The following DLGAP2 variants were observed in gnomAD, a reference collection of about 807,000 sequenced individuals.
The protein encoded by DLGAP2 is disks large-associated protein 2.
In DLGAP2, 26 loss-of-function variants were observed where a neutral mutation model predicts 100.3. That is an observed-to-expected ratio of 0.26 (90% CI 0.19 to 0.36). DLGAP2 has a LOEUF of 0.36. DLGAP2 is among the 10% of genes least tolerant of loss of function. DLGAP2 has a pLI of 1.00. For missense variants in DLGAP2, 1,858 were observed against 1,453.2 expected (o/e 1.28, Z -4.53); for synonymous variants, 886 against 630.1 (o/e 1.41, Z -6.08).
rs559088082 is a variant in DLGAP2, at chr8:1,585,350, GGTA to G, written c.1442+19457_1442+19459del. ...ATTTTGGCCCGTGCCTGTAATCCCA[GGTA>G]CCCAGGTGGCCGAGCCAGGAGAATT... On this transcript the variant is annotated intron_variant, in intron 6 of 14. Coordinates refer to ENST00000637795, the MANE Select transcript of DLGAP2 (RefSeq NM_001346810.2). 7.4e-4 allele frequency among the ~76,000 whole-genome samples: 98 copies of G among 132,352 alleles called. No individual in the cohort carries two copies. The South Asian group carries it at 0.019, about 25-fold the overall frequency. The allele number at this position is 132,352 out of a possible 152,430, so 86.8% of individuals were successfully genotyped here. A position where few individuals can be genotyped will look rare whatever the true frequency, so the allele number is the denominator to read the frequency against.
intron 3 of DLGAP2, among the ~76,000 whole-genome samples, chr8:1,426,377 G>C (rs959989439): frequency 3.3e-5 from 5 of 152,166 alleles, no homozygotes; most frequent in Non-Finnish European, 7.3e-5. Flanking sequence ...ACGAGAACAT[G>C]GCCAAGGAAT....
At position 1,624,128 on chromosome 8, in the gene DLGAP2, C is replaced by G. The variant is rs151214375; in HGVS notation, c.1443-2612C>G. Among the ~76,000 whole-genome samples, 136 of 152,296 alleles carry G rather than the reference C, an allele frequency of 8.9e-4. 2 individuals carry two copies. The South Asian group carries it at 0.011, about 13-fold the overall frequency. ...GACGAGAATCCTTCTTTTATGTTTT[C>G]TCAGTCTAGAAGGCAGCTTCAATTT... is the stretch of plus-strand genomic sequence containing the variant. On this transcript the variant is annotated intron_variant, in intron 6 of 14. Transcript: ENST00000637795.
chr8:829,582 T>C (rs1350608856), intron 1 of DLGAP2, among the ~76,000 whole-genome samples: 1 of 152,244 alleles, frequency 6.6e-6, no homozygotes, highest in Admixed American at 6.5e-5. Context: ...GCTTTGCTTC[T>C]AGAAATCGTG....
At chr8:748,288 C>G (rs189099521) in intron 1 of DLGAP2, among the ~76,000 whole-genome samples, 1,750 of 145,662 alleles carry the variant, frequency 0.012, 38 homozygotes, top group African/African-American at 0.043. Context: ...TGGGTGGACT[C>G]TGGTGGTGGC....
chr8:1,346,403 C>T (rs185073281), intron 3 of DLGAP2, among the ~76,000 whole-genome samples: 229 of 143,826 alleles, frequency 1.6e-3, no homozygotes, highest in Non-Finnish European at 1.5e-3. Context: ...ATTGCACTCA[C>T]GGTAGCTGTG....
At chr8:821,799 T>G (rs928460850) in intron 1 of DLGAP2, among the ~76,000 whole-genome samples, 2 of 152,252 alleles carry the variant, frequency 1.3e-5, no homozygotes, top group Admixed American at 6.5e-5. Flanking sequence ...AATGGTTAAA[T>G]GTACATTATT....
At chr8:1,116,163 G>C (rs76656077) in intron 2 of DLGAP2, among the ~76,000 whole-genome samples, 2 of 152,200 alleles carry the variant, frequency 1.3e-5, no homozygotes, top group Admixed American at 6.5e-5. Flanking sequence ...CATGGGGTGC[G>C]CAGGCGTCAG....
At chr8:1,385,552 G>A (rs1312234810) in intron 3 of DLGAP2, among the ~76,000 whole-genome samples, 3 of 38,942 alleles carry the variant, frequency 7.7e-5, no homozygotes, top group African/African-American at 1.1e-4. Context: ...GCCTGTGCCC[G>A]TCCCCTGAGA....
intron 3 of DLGAP2, among the ~76,000 whole-genome samples, chr8:1,350,005 C>A (rs1420869802): frequency 2.6e-5 from 4 of 152,200 alleles, no homozygotes; most frequent in African/African-American, 9.6e-5. Context: ...ACACATATAA[C>A]CTTACAACTA....
intron 4 of DLGAP2, among the ~76,000 whole-genome samples, chr8:1,516,721 G>C (rs1393483419): frequency 6.6e-6 from 1 of 152,048 alleles, no homozygotes; most frequent in African/African-American, 2.4e-5. Context: ...CTGAGTGAAA[G>C]AGTGAGTGAC....
chr8:1,349,972 A>G (rs1252315968), intron 3 of DLGAP2, among the ~76,000 whole-genome samples: 6 of 152,018 alleles, frequency 3.9e-5, no homozygotes, highest in Non-Finnish European at 7.4e-5. Context: ...CAGAGGCTCT[A>G]TTTTTTTTCA....
At chr8:1,690,703 C>CA (rs71190752) in intron 12 of DLGAP2, among the ~76,000 whole-genome samples, 7,697 of 61,842 alleles carry the variant, frequency 0.12, 877 homozygotes, top group African/African-American at 0.19. Context: ...GACCCTATCT[C>CA]AAAAAAAAAA....
At chr8:1,227,982 A>G (rs1389242468) in intron 2 of DLGAP2, among the ~76,000 whole-genome samples, 1 of 152,230 alleles carries the variant, frequency 6.6e-6, no homozygotes, top group Non-Finnish European at 1.5e-5. Flanking sequence ...TAACCGTTTT[A>G]CTATTTATAT....
intron 3 of DLGAP2, among the ~76,000 whole-genome samples, chr8:1,273,817 C>G (rs946567372): frequency 3.3e-4 from 51 of 152,278 alleles, no homozygotes; most frequent in African/African-American, 1.2e-3. Flanking sequence ...GTTCAAAGAG[C>G]AAAAGGCTAG....
rs143712035 is a variant in DLGAP2, at chr8:1,261,950, C to T, written c.106+3067C>T. Among the ~76,000 whole-genome samples, 1,386 of 152,264 alleles carry T rather than the reference C, an allele frequency of 9.1e-3. 10 individuals carry two copies. The highest frequency in any genetic ancestry group is 0.014 in the Non-Finnish European group (919 of 68,018). On this transcript the variant is annotated intron_variant, in intron 3 of 14. Transcript: ENST00000637795. ...GTGCGGCTCGGATGTGGGTGTGCAG[C>T]GCTCATTACATCCAGAAGGTTAAGG...
At chr8:1,534,416 T>C (rs1366121770) in intron 4 of DLGAP2, among the ~76,000 whole-genome samples, 2 of 152,220 alleles carry the variant, frequency 1.3e-5, no homozygotes, top group Non-Finnish European at 2.9e-5. Flanking sequence ...AAGCTACTTA[T>C]TTTGCCTATA....
At chr8:909,766 A>G (rs1798448494) in intron 2 of DLGAP2, among the ~76,000 whole-genome samples, 1 of 152,218 alleles carries the variant, frequency 6.6e-6, no homozygotes, top group South Asian at 2.1e-4. Flanking sequence ...GGTTGAGATT[A>G]TAACTCTTAA....
chr8:977,875 T>A (rs75912707), intron 2 of DLGAP2, among the ~76,000 whole-genome samples: 22 of 30,982 alleles, frequency 7.1e-4, no homozygotes, highest in Admixed American at 2.8e-3. Flanking sequence ...GTCTTTGGTG[T>A]TGTGGGGAGG....
chr8:945,674 T>C (rs1346677089), intron 2 of DLGAP2, among the ~76,000 whole-genome samples: 1 of 152,208 alleles, frequency 6.6e-6, no homozygotes, highest in Non-Finnish European at 1.5e-5. Flanking sequence ...GTTTAAGGAA[T>C]GAACATTGAG....
Sources: allele counts gnomAD v4.1 joint callset (sites outside exome capture counted in the v4.1 genomes callset), GRCh38; gene constraint gnomAD v4.1.1; transcripts MANE v1.5; gene names NCBI Gene and HGNC (gene_info 2026-07-23, HGNC 2026-07-21).